Variants in PTP4A1 observed in about 807,000 individuals in gnomAD.
The protein encoded by PTP4A1 is protein tyrosine phosphatase 4A1, also known as protein tyrosine phosphatase type IVA 1.
Under a neutral mutation model 20.5 loss-of-function variants are expected in PTP4A1, and 9 were observed. The observed-to-expected ratio is 0.44, with a 90% CI of 0.26 to 0.77. The LOEUF (loss-of-function observed/expected upper bound fraction) is 0.77, where lower values mean the gene tolerates loss of function less well. Ranked by LOEUF, PTP4A1 falls within the 30% of genes least tolerant of loss-of-function variation. PTP4A1 has a pLI of 0.19. For synonymous variants in PTP4A1, 78 were observed against 67.4 expected, an observed-to-expected ratio of 1.16 and a Z score of -0.77; for missense variants, 137 against 218.8, an observed-to-expected ratio of 0.63 and a Z score of 2.36.
intron 1 of PTP4A1, among the ~76,000 whole-genome samples, chr6:63,523,881 A>G (rs1351119647): frequency 6.6e-6 from 1 of 152,090 alleles, no homozygotes; most frequent in Non-Finnish European, 1.5e-5. Context: ...CAGATTGCCT[A>G]CTCCTAGCAT....
At chr6:63,579,561 G>T (rs1404395071) in intron 5 of PTP4A1, among the ~76,000 whole-genome samples, 2 of 152,112 alleles carry the variant, frequency 1.3e-5, no homozygotes, top group Non-Finnish European at 2.9e-5. Flanking sequence ...TTAAATACTT[G>T]ATTGAATATG....
chr6:63,538,288 C>G (rs1048067728), intron 2 of PTP4A1, among the ~76,000 whole-genome samples: 1 of 152,098 alleles, frequency 6.6e-6, no homozygotes, highest in Non-Finnish European at 1.5e-5. Context: ...CTTAGTTTCT[C>G]TAGCAACAAG....
intron 3 of PTP4A1, among the ~76,000 whole-genome samples, chr6:63,551,029 T>G (rs1776417010): frequency 6.6e-6 from 1 of 151,930 alleles, no homozygotes; most frequent in East Asian, 1.9e-4. Flanking sequence ...TAGGTTTTTT[T>G]TATTTATGAA....
rs1397891356 is a variant in PTP4A1, at chr6:63,580,756, A to T, written c.*582A>T. 3 of 151,034 alleles carry T rather than the reference A, an allele frequency of 2.0e-5. No homozygotes were observed. Among genetic ancestry groups the T allele is most frequent in the Non-Finnish European group, 4.4e-5 (3 of 67,778 alleles). 9.4% of individuals were successfully genotyped at this position (151,034 alleles called of 1,614,324 possible). On this transcript the variant is annotated 3_prime_UTR_variant, in exon 6 of 6. Transcript: ENST00000626021. ...TTTTTTTTTTTTTACCAAGTCTTAC[A>T]GTGATTATTTTACGTGTTTCCATGT...
At chr6:63,546,802 A>G (rs187723914) in intron 2 of PTP4A1, among the ~76,000 whole-genome samples, 5 of 152,318 alleles carry the variant, frequency 3.3e-5, no homozygotes, top group Admixed American at 2.6e-4. Context: ...ATAATGTGTT[A>G]CACACCTGAA....
At chr6:63,568,771 C>T (rs778790684), upstream of PTP4A1, among the ~76,000 whole-genome samples, 8 of 151,944 alleles carry the variant, frequency 5.3e-5, no homozygotes, top group Non-Finnish European at 1.2e-4. Context: ...ATAGGCTGTT[C>T]TAAAACAGCA....
intron 1 of PTP4A1, among the ~76,000 whole-genome samples, chr6:63,574,319 CT>C (rs1777705688): frequency 6.6e-6 from 1 of 152,182 alleles, no homozygotes; most frequent in African/African-American, 2.4e-5. Context: ...CTTTCCTCCT[CT>C]CCCTTCTTGT....
chr6:63,564,624 CA>C (rs1561910510), intron 3 of PTP4A1, among the ~76,000 whole-genome samples: 1 of 152,202 alleles, frequency 6.6e-6, no homozygotes, highest in Non-Finnish European at 1.5e-5. Flanking sequence ...CCATAGCATG[CA>C]TATCCAACCT....
intron 2 of PTP4A1, among the ~76,000 whole-genome samples, chr6:63,548,099 G>T (rs1480128243): frequency 6.6e-6 from 1 of 152,120 alleles, no homozygotes; most frequent in East Asian, 1.9e-4. Context: ...CAGCTCCGAG[G>T]TCATAACCTC....
intron 2 of PTP4A1, 101 bp downstream of exon 2, chr6:63,577,086 T>C (rs1010863293): frequency 1.4e-5 from 11 of 794,798 alleles, no homozygotes; most frequent in African/African-American, 7.0e-5. Context: ...TGAGATGATA[T>C]ACCTACAATT....
chr6:63,542,135 C>T (rs958273056), intron 2 of PTP4A1, among the ~76,000 whole-genome samples: 1 of 151,648 alleles, frequency 6.6e-6, no homozygotes, highest in African/African-American at 2.4e-5. Context: ...ACCTGGATGA[C>T]ATTGGAGAAT....
rs537292613 is a variant in PTP4A1 at position 63,549,330 on chromosome 6, T to C, written c.-639-970T>C. 197 of 754,076 alleles carry C rather than the reference T, an allele frequency of 2.6e-4. 1 individual carries two copies. In the Middle Eastern group the frequency reaches 2.7e-3, roughly 10 times the overall value. The allele number at this position is 754,076 out of a possible 1,614,324, so 46.7% of individuals were successfully genotyped here. Reference sequence around the variant, plus strand: ...GGCTCTCTGCCGCTGCAACCTGATATAGTGGGGGCCATTTCACAAAGCTGG... The same window carrying C: ...GGCTCTCTGCCGCTGCAACCTGATACAGTGGGGGCCATTTCACAAAGCTGG... On this transcript the variant is annotated intron_variant, in intron 2 of 3. Coordinates refer to the PTP4A1 transcript ENST00000639568.
At chr6:63,519,020 A>G (rs531379287), upstream of PTP4A1, among the ~76,000 whole-genome samples, 1 of 152,344 alleles carries the variant, frequency 6.6e-6, no homozygotes, top group East Asian at 1.9e-4. Context: ...AAGTGAGATA[A>G]ATAAAGACTA....
chr6:63,536,252 C>T (rs1174071635), intron 2 of PTP4A1, among the ~76,000 whole-genome samples: 1 of 152,110 alleles, frequency 6.6e-6, no homozygotes, highest in Non-Finnish European at 1.5e-5. Context: ...ATCGCTCGAA[C>T]CTGGGAGGCG....
upstream of PTP4A1, chr6:63,572,446 C>T (rs1777498960): frequency 7.9e-6 from 3 of 377,546 alleles, no homozygotes; most frequent in Non-Finnish European, 1.4e-5. Flanking sequence ...CACGTCGCGC[C>T]GGCTATAAAG....
intron 3 of PTP4A1, among the ~76,000 whole-genome samples, chr6:63,561,898 T>A (rs1466050004): frequency 2.6e-5 from 4 of 152,230 alleles, no homozygotes; most frequent in Non-Finnish European, 4.4e-5. Context: ...GGTGCTTCTA[T>A]CTCTGCTGCA....
intron 3 of PTP4A1, among the ~76,000 whole-genome samples, chr6:63,553,612 T>C (rs770898695): frequency 6.6e-6 from 1 of 152,246 alleles, no homozygotes; most frequent in Non-Finnish European, 1.5e-5. Flanking sequence ...ATGTTCTAAC[T>C]AATGAATGAC....
intron 2 of PTP4A1, among the ~76,000 whole-genome samples, chr6:63,544,657 T>A: frequency 6.6e-6 from 1 of 152,148 alleles, no homozygotes. Context: ...GACCTTGACG[T>A]TTCTGATTAG....
rs564888696 is a variant in PTP4A1, at chr6:63,547,648, G to A, written c.-639-2652G>A. On this transcript the variant is annotated intron_variant, in intron 2 of 3. Transcript: ENST00000639568. Reference sequence around the variant, plus strand: ...AGCCTCCCGAGTAGCTGGGACTACAGGTGCCCACCACCACGCCTGGCTAAT... The same window carrying A: ...AGCCTCCCGAGTAGCTGGGACTACAAGTGCCCACCACCACGCCTGGCTAAT... Among the ~76,000 whole-genome samples, 348 of 151,514 alleles carry A rather than the reference G, an allele frequency of 2.3e-3. 2 individuals are homozygous for A. Among genetic ancestry groups the A allele is most frequent in the African/African-American group, 8.0e-3 (330 of 41,318 alleles).
Sources: gnomAD v4.1 joint callset for allele counts (sites outside exome capture counted in the v4.1 genomes callset) on GRCh38, gnomAD v4.1.1 for gene constraint, MANE v1.5 for transcripts, NCBI Gene and HGNC (gene_info 2026-07-23, HGNC 2026-07-21) for gene names.